Variants in ABCG2 observed in about 807,000 individuals in gnomAD.
The protein encoded by ABCG2 is ATP binding cassette subfamily G member 2 (JR blood group).
Under a neutral mutation model 73.5 loss-of-function variants are expected in ABCG2, and 80 were observed. That is an observed-to-expected ratio of 1.09 (90% CI 0.91 to 1.31). The LOEUF is 1.31. Among genes scored for constraint, ABCG2 ranks in the 50% most tolerant of loss-of-function variants. The probability of loss-of-function intolerance (pLI) is 0.00; values close to 1 mark genes in which losing one functional copy is unlikely to be tolerated. For synonymous variants in ABCG2, 269 were observed against 282.4 expected (o/e 0.95, Z 0.48); for missense variants, 796 against 786.2 (o/e 1.01, Z -0.15).
chr4:88,189,248 T>C (rs1354629697), intron 1 of ABCG2, among the ~76,000 whole-genome samples: 1 of 152,114 alleles, frequency 6.6e-6, no homozygotes, highest in African/African-American at 2.4e-5. Flanking sequence ...TGCTAGAGTA[T>C]AAAATGCAAC....
chr4:88,113,317 C>T lies in ABCG2; in HGVS notation c.1180G>A (p.Ala394Thr), dbSNP rs769208697. The change falls in exon 9 of 16, where the codon GCC becomes ACC. Residue 394 changes from alanine to threonine, a missense_variant. Ala to Thr is a moderately conservative substitution (Grantham distance 58). Coordinates refer to ENST00000237612, the MANE Select transcript of ABCG2 (RefSeq NM_004827.3). ...SFKNLLGNPQ[A>T]SIAQIIVTVV... The stretch of plus-strand genomic sequence containing the variant: ...CTGCTGGTTACCTGAGCTATAGAGG[C>T]CTGGGGATTACCCAGCAAGTTTTTG... 5 of 1,613,950 alleles carry T rather than the reference C, an allele frequency of 3.1e-6. No individual in the cohort carries two copies. Among genetic ancestry groups the T allele is most frequent in the Non-Finnish European group, 4.2e-6 (5 of 1,179,998 alleles).
chr4:88,173,395 C>T (rs1468453779), intron 1 of ABCG2, among the ~76,000 whole-genome samples: 2 of 152,124 alleles, frequency 1.3e-5, no homozygotes, highest in African/African-American at 4.8e-5. Flanking sequence ...TTAACCACAT[C>T]CTTTTGCCTT....
At chr4:88,186,135 G>A (rs1388234251) in intron 1 of ABCG2, among the ~76,000 whole-genome samples, 1 of 152,110 alleles carries the variant, frequency 6.6e-6, no homozygotes, top group Non-Finnish European at 1.5e-5. Flanking sequence ...CAGATGAATG[G>A]ATAAAGAAAA....
upstream of ABCG2, among the ~76,000 whole-genome samples, chr4:88,162,016 G>T (rs1054299918): frequency 1.3e-5 from 2 of 151,822 alleles, no homozygotes; most frequent in African/African-American, 4.8e-5. Flanking sequence ...TTTTGATGGG[G>T]TTGTTTGTTT....
At chr4:88,174,281 C>T (rs541761979) in intron 1 of ABCG2, among the ~76,000 whole-genome samples, 45 of 152,106 alleles carry the variant, frequency 3.0e-4, no homozygotes, top group African/African-American at 9.9e-4. Flanking sequence ...TTTTAAGCCC[C>T]GCATGCATTA....
At position 88,101,279 on chromosome 4, in the gene ABCG2, T is replaced by C; in HGVS notation, c.1318A>G (p.Ser440Gly). The C allele has an allele frequency of 1.9e-6, 3 of 1,614,120 alleles. No homozygotes were observed. Among genetic ancestry groups the C allele is most frequent in the Non-Finnish European group, 2.5e-6 (3 of 1,180,008 alleles). The part of the protein sequence containing the change: ...LFFLTTNQCF[S>G]SVSAVELFVV... ...AAGAGTTCCACGGCTGAAACACTGCTGAAACACTGGTTGGTCGTCAGGAAG... is the reference window on the plus strand; with the variant it reads ...AAGAGTTCCACGGCTGAAACACTGCCGAAACACTGGTTGGTCGTCAGGAAG... Residue 440 changes from serine to glycine, a missense_variant, in exon 11 of 16, where the codon AGC (serine) becomes GGC (glycine). Transcript: ENST00000237612.
intron 5 of ABCG2, among the ~76,000 whole-genome samples, chr4:88,122,956 T>G (rs1258281856): frequency 6.6e-6 from 1 of 151,984 alleles, no homozygotes; most frequent in Non-Finnish European, 1.5e-5. Flanking sequence ...GAACAAAGCT[T>G]CCAGAGAAAA....
intron 1 of ABCG2, among the ~76,000 whole-genome samples, chr4:88,165,210 T>C (rs1321560137): frequency 1.3e-5 from 2 of 152,234 alleles, no homozygotes; most frequent in African/African-American, 4.8e-5. Context: ...AAATGATGAA[T>C]ATTTGAATAG....
intron 5 of ABCG2, among the ~76,000 whole-genome samples, chr4:88,130,184 G>A (rs1057152868): frequency 2.0e-5 from 3 of 152,150 alleles, no homozygotes; most frequent in African/African-American, 4.8e-5. Flanking sequence ...GCAGGCAAGT[G>A]AGCAAAGCTT....
At chr4:88,105,568 A>C (rs977233656) in intron 10 of ABCG2, among the ~76,000 whole-genome samples, 7 of 152,190 alleles carry the variant, frequency 4.6e-5, no homozygotes, top group African/African-American at 1.7e-4. Context: ...CAACACTAAC[A>C]AAAGTGCTAA....
intron 1 of ABCG2, among the ~76,000 whole-genome samples, chr4:88,168,276 T>G (rs1305523222): frequency 6.6e-6 from 1 of 151,994 alleles, no homozygotes; most frequent in Non-Finnish European, 1.5e-5. Context: ...ATCATGAGGT[T>G]AGGAGATTGA....
At chr4:88,208,530 CAGAA>C (rs1197344409) in intron 1 of ABCG2, among the ~76,000 whole-genome samples, 4 of 152,254 alleles carry the variant, frequency 2.6e-5, no homozygotes, top group Admixed American at 2.6e-4. Context: ...TACAGAGTCT[CAGAA>C]GGAAAGAAAG....
chr4:88,176,223 G>T (rs1727968375), intron 1 of ABCG2, among the ~76,000 whole-genome samples: 1 of 150,948 alleles, frequency 6.6e-6, no homozygotes, highest in African/African-American at 2.5e-5. Context: ...TTGAACTCCT[G>T]GAATCAAGCA....
intron 1 of ABCG2, among the ~76,000 whole-genome samples, chr4:88,141,229 C>T (rs990184895): frequency 6.6e-6 from 1 of 152,096 alleles, no homozygotes; most frequent in Non-Finnish European, 1.5e-5. Context: ...CTGATAAAAG[C>T]AACCAAAGCG....
chr4:88,134,942 T>C (rs745310236), intron 2 of ABCG2, among the ~76,000 whole-genome samples: 2 of 152,142 alleles, frequency 1.3e-5, no homozygotes, highest in Non-Finnish European at 2.9e-5. Context: ...TGAGCCCTTG[T>C]GGAGTTTACA....
chr4:88,112,901 C>T (rs1484491418), intron 9 of ABCG2, among the ~76,000 whole-genome samples: 4 of 152,148 alleles, frequency 2.6e-5, no homozygotes, highest in South Asian at 2.1e-4. Context: ...CTTGAACCCA[C>T]GAGTTCAAGA....
At chr4:88,096,568 C>T (rs1321242365) in intron 13 of ABCG2, among the ~76,000 whole-genome samples, 4 of 152,092 alleles carry the variant, frequency 2.6e-5, no homozygotes, top group Admixed American at 1.3e-4. Context: ...AAGAATTAAA[C>T]TATGGCAAGA....
chr4:88,222,634 G>A lies in ABCG2; in HGVS notation c.-20+8360C>T, dbSNP rs536042033. The stretch of plus-strand genomic sequence containing the variant: ...TTGCCTTTGTAAATTGCCCAGTTTC[G>A]GGTATGTCTTTATCAGCAGTGTGAA... On this transcript the variant is annotated intron_variant, in intron 1 of 15. Coordinates refer to the ABCG2 transcript ENST00000515655. Among the ~76,000 whole-genome samples, 38 of 152,220 alleles carry A rather than the reference G, an allele frequency of 2.5e-4. No individual in the cohort carries two copies. In the South Asian group the frequency reaches 5.6e-3, roughly 22 times the overall value.
chr4:88,099,720 C>T (rs991117900), intron 11 of ABCG2, among the ~76,000 whole-genome samples: 7 of 152,194 alleles, frequency 4.6e-5, no homozygotes, highest in African/African-American at 1.7e-4. Flanking sequence ...ACACTCAGTC[C>T]AGGGAAACAG....
Sources: allele counts gnomAD v4.1 joint callset (sites outside exome capture counted in the v4.1 genomes callset), GRCh38; gene constraint gnomAD v4.1.1; transcripts MANE v1.5; gene names NCBI Gene and HGNC (gene_info 2026-07-23, HGNC 2026-07-21).